Variants in SLC39A8 observed in about 807,000 individuals in gnomAD.
The protein encoded by SLC39A8 is solute carrier family 39 member 8.
A neutral mutation model predicts 40.4 loss-of-function variants in SLC39A8; 15 were observed. That is an observed-to-expected ratio of 0.37 (90% CI 0.25 to 0.57). The LOEUF (loss-of-function observed/expected upper bound fraction) is 0.57. SLC39A8 is among the 20% of genes least tolerant of loss of function. The pLI is 0.75. For synonymous variants in SLC39A8, 223 were observed against 221.6 expected (o/e 1.01, Z -0.06); for missense variants, 472 against 558.8 (o/e 0.84, Z 1.57).
intron 2 of SLC39A8, among the ~76,000 whole-genome samples, chr4:102,320,168 C>CATATATAT (rs70937533): frequency 2.9e-5 from 3 of 101,936 alleles, no homozygotes; most frequent in Non-Finnish European, 5.9e-5. Context: ...TATATATATA[C>CATATATAT]ATATATATAT....
In SLC39A8 at chr4:102,262,678, A is replaced by G. The variant is rs2149001128; in HGVS notation, c.*366T>C. ...AACCATTTGAATCTTTGATCCTACC[A>G]TAGAGTTTTAAAGGCTTTCAGGATA... On this transcript the variant is annotated 3_prime_UTR_variant, in exon 9 of 9. Transcript: ENST00000356736. 5.0e-6 allele frequency: 5 copies of G among 996,314 alleles called. No individual in the cohort carries two copies. Among genetic ancestry groups the G allele is most frequent in the South Asian group, 9.3e-5 (2 of 21,576 alleles). 61.7% of individuals were successfully genotyped at this position (996,314 alleles called of 1,614,324 possible).
At chr4:102,309,646 G>A (rs72924893) in intron 3 of SLC39A8, among the ~76,000 whole-genome samples, 4,060 of 152,096 alleles carry the variant, frequency 0.027, 169 homozygotes, top group African/African-American at 0.091. Context: ...ATATATACAT[G>A]TTGAAAACTA....
In SLC39A8 at chr4:102,263,012, C is replaced by A; in HGVS notation, c.*32G>T. The A allele has an allele frequency of 6.4e-7, 1 of 1,573,670 alleles. No homozygotes were observed. Among genetic ancestry groups the A allele is most frequent in the Non-Finnish European group, 8.6e-7 (1 of 1,157,612 alleles). ...TGGAGATGTTTTTATCTATTAAATG[C>A]CTTTATTAACAACACCATCTTCCAT... On this transcript the variant is annotated 3_prime_UTR_variant, in exon 9 of 9. Transcript: ENST00000356736.
At chr4:102,344,422 T>G in intron 2 of SLC39A8, 22 bp downstream of exon 2, 1 of 1,494,728 alleles carries the variant, frequency 6.7e-7, no homozygotes, top group Non-Finnish European at 8.9e-7. Context: ...TACGGAGGGC[T>G]GCCCGGACCT....
chr4:102,340,695 A>C (rs1205053874), intron 2 of SLC39A8, among the ~76,000 whole-genome samples: 1 of 152,264 alleles, frequency 6.6e-6, no homozygotes, highest in African/African-American at 2.4e-5. Context: ...ATTAGAGTGC[A>C]GCAGTCATTT....
At chr4:102,304,890 A>G in intron 5 of SLC39A8, 99 bp downstream of exon 5, 2 of 1,062,558 alleles carry the variant, frequency 1.9e-6, no homozygotes, top group Non-Finnish European at 1.4e-6. Context: ...TAACTGGACC[A>G]TTCTCATAAT....
At chr4:102,304,595 T>A (rs1006959113) in intron 5 of SLC39A8, 114 bp from the exon 6 acceptor site, 8 of 789,038 alleles carry the variant, frequency 1.0e-5, no homozygotes, top group Non-Finnish European at 1.6e-5. Context: ...ATGTCTATTC[T>A]ATGTGTAAAG....
At chr4:102,285,614 ATAT>A (rs1187768563) in intron 6 of SLC39A8, among the ~76,000 whole-genome samples, 24 of 139,340 alleles carry the variant, frequency 1.7e-4, no homozygotes, top group African/African-American at 3.9e-4. Flanking sequence ...AGACAAATAA[ATAT>A]TATAGATGAG....
intron 6 of SLC39A8, among the ~76,000 whole-genome samples, chr4:102,274,674 A>G (rs1223872849): frequency 2.0e-5 from 3 of 152,226 alleles, no homozygotes; most frequent in African/African-American, 7.2e-5. Flanking sequence ...GTTGGAATGC[A>G]GGAAAAAATG....
chr4:102,292,945 C>T (rs770728108), intron 6 of SLC39A8, among the ~76,000 whole-genome samples: 3 of 151,954 alleles, frequency 2.0e-5, no homozygotes, highest in Non-Finnish European at 2.9e-5. Context: ...GTTGAAGAAA[C>T]CCGATTAGTT....
chr4:102,329,048 T>C (rs1326989502), intron 2 of SLC39A8, among the ~76,000 whole-genome samples: 1 of 148,806 alleles, frequency 6.7e-6, no homozygotes, highest in Non-Finnish European at 1.5e-5. Flanking sequence ...AAAAAAGACA[T>C]ATATAACTGT....
At chr4:102,265,059 T>G (rs1485794468) in intron 8 of SLC39A8, among the ~76,000 whole-genome samples, 3 of 152,228 alleles carry the variant, frequency 2.0e-5, no homozygotes, top group Non-Finnish European at 4.4e-5. Context: ...TTAATTTCCT[T>G]CATCAATCCT....
chr4:102,272,870 G>A (rs765366521), intron 6 of SLC39A8, among the ~76,000 whole-genome samples: 1 of 152,054 alleles, frequency 6.6e-6, no homozygotes, highest in Non-Finnish European at 1.5e-5. Flanking sequence ...GGAGCCAAAG[G>A]AGGCCATGAG....
chr4:102,306,637 C>CTG (rs1734184262), intron 4 of SLC39A8, among the ~76,000 whole-genome samples: 1 of 151,906 alleles, frequency 6.6e-6, no homozygotes, highest in South Asian at 2.1e-4. Flanking sequence ...TTGTCTCTCC[C>CTG]TGTGTGTGTG....
intron 6 of SLC39A8, among the ~76,000 whole-genome samples, chr4:102,284,490 A>T (rs1450675850): frequency 1.3e-5 from 2 of 152,178 alleles, no homozygotes; most frequent in East Asian, 3.8e-4. Context: ...CACTGAATAG[A>T]TGAGAAGAAA....
chr4:102,284,235 T>G (rs1017718684), intron 6 of SLC39A8, among the ~76,000 whole-genome samples: 4 of 152,218 alleles, frequency 2.6e-5, no homozygotes, highest in African/African-American at 7.2e-5. Flanking sequence ...TATCTTATCA[T>G]GCACCCTCTT....
intron 6 of SLC39A8, among the ~76,000 whole-genome samples, chr4:102,290,558 T>A (rs1280848077): frequency 2.0e-5 from 3 of 152,066 alleles, no homozygotes; most frequent in Non-Finnish European, 1.5e-5. Context: ...GTTCTCCTTG[T>A]CTACAACAGT....
intron 6 of SLC39A8, among the ~76,000 whole-genome samples, chr4:102,281,204 CA>C (rs1732853124): frequency 6.6e-6 from 1 of 152,150 alleles, no homozygotes; most frequent in Non-Finnish European, 1.5e-5. Context: ...ATTCAGGAGG[CA>C]CCAGGAAATT....
At position 102,315,780 on chromosome 4, in the gene SLC39A8, G is replaced by GA; in HGVS notation, c.269_270insT (p.Gln91ProfsTer24). Reference sequence around the variant, plus strand: ...CAGAGAATTTGGAGCTGGTTATTTGGGTAGCATTTGAAAAGCCATGAAGGG... The same window carrying GA: ...CAGAGAATTTGGAGCTGGTTATTTGGAGTAGCATTTGAAAAGCCATGAAGGG... On this transcript the variant is annotated frameshift_variant, in exon 3 of 9. Transcript: ENST00000356736. LOFTEE classifies it high-confidence loss of function. 6.2e-7 allele frequency: 1 copy of GA among 1,612,920 alleles called. No individual in the cohort carries two copies. Among genetic ancestry groups the GA allele is most frequent in the East Asian group, 2.2e-5 (1 of 44,836 alleles).
Sources: allele counts gnomAD v4.1 joint callset (sites outside exome capture counted in the v4.1 genomes callset), GRCh38; gene constraint gnomAD v4.1.1; transcripts MANE v1.5; gene names NCBI Gene and HGNC (gene_info 2026-07-23, HGNC 2026-07-21).